The following NEGR1 variants were observed in gnomAD, a reference collection of about 807,000 sequenced individuals.
The protein encoded by NEGR1 is neuronal growth regulator 1, also known as IgLON family member 4.
NEGR1 carries 10 observed loss-of-function variants against 40.9 expected under a neutral mutation model. The ratio of observed to expected loss-of-function variants is 0.24; its 90% CI spans 0.15 to 0.42. NEGR1 has a LOEUF of 0.42. Ranked by LOEUF, NEGR1 falls within the 10% of genes least tolerant of loss-of-function variation. The pLI is 1.00. For synonymous variants in NEGR1, 185 were observed against 166.8 expected, an observed-to-expected ratio of 1.11 and a Z score of -0.84; for missense variants, 352 against 438.9, an observed-to-expected ratio of 0.80 and a Z score of 1.77.
chr1:72,014,980 C>G, intron 1 of NEGR1, among the ~76,000 whole-genome samples: 1 of 151,988 alleles, frequency 6.6e-6, no homozygotes, highest in East Asian at 1.9e-4. Context: ...AATTGTATTA[C>G]AGAGTTTTTT....
intron 1 of NEGR1, among the ~76,000 whole-genome samples, chr1:72,210,468 G>A (rs887443267): frequency 6.6e-6 from 1 of 151,778 alleles, no homozygotes; most frequent in Non-Finnish European, 1.5e-5. Context: ...ATTTTTCATG[G>A]AAAACCATTA....
At chr1:71,778,327 T>C (rs1040250029) in intron 2 of NEGR1, among the ~76,000 whole-genome samples, 17 of 152,114 alleles carry the variant, frequency 1.1e-4, no homozygotes, top group South Asian at 4.1e-4. Context: ...CAATTATGTT[T>C]TCATTTTCAG....
intron 1 of NEGR1, among the ~76,000 whole-genome samples, chr1:71,981,839 G>A (rs1289114981): frequency 6.6e-6 from 1 of 151,566 alleles, no homozygotes; most frequent in Non-Finnish European, 1.5e-5. Flanking sequence ...TGAAAAAGAT[G>A]AAACTTTCCC....
intron 2 of NEGR1, among the ~76,000 whole-genome samples, chr1:71,823,203 A>AT (rs35710660): frequency 0.55 from 77,678 of 140,522 alleles, 21,710 homozygotes; most frequent in Admixed American, 0.66. Context: ...TTTCTGCATC[A>AT]TTTTTTTTTT....
At chr1:72,040,491 G>C (rs1646942409) in intron 1 of NEGR1, among the ~76,000 whole-genome samples, 1 of 135,516 alleles carries the variant, frequency 7.4e-6, no homozygotes, top group Non-Finnish European at 1.5e-5. Context: ...GTATAAAATG[G>C]AAATGGAATA....
chr1:71,603,600 T>C (rs1168977642), intron 5 of NEGR1, among the ~76,000 whole-genome samples: 1 of 152,204 alleles, frequency 6.6e-6, no homozygotes, highest in African/African-American at 2.4e-5. Context: ...TAAAGTTGCA[T>C]GTTGTTAAAA....
chr1:71,794,565 A>C (rs1218017302), intron 2 of NEGR1: 2 of 152,128 alleles, frequency 1.3e-5, no homozygotes, highest in Non-Finnish European at 2.9e-5. Context: ...AATACAAATG[A>C]ATTTGGACCT....
At chr1:71,660,266 GC>G (rs1652012777) in intron 4 of NEGR1, among the ~76,000 whole-genome samples, 1 of 152,118 alleles carries the variant, frequency 6.6e-6, no homozygotes, top group African/African-American at 2.4e-5. Context: ...GTAAGTGAGA[GC>G]TAAATGATAA....
intron 1 of NEGR1, among the ~76,000 whole-genome samples, chr1:72,013,563 A>C (rs1379813741): frequency 6.6e-6 from 1 of 152,152 alleles, no homozygotes. Context: ...AAATATAATT[A>C]TGACAGTAAA....
chr1:71,584,029 A>G (rs574699076), intron 6 of NEGR1, among the ~76,000 whole-genome samples: 1 of 152,324 alleles, frequency 6.6e-6, no homozygotes, highest in African/African-American at 2.4e-5. Context: ...AATCCAACCT[A>G]CTATAAATGC....
intron 1 of NEGR1, among the ~76,000 whole-genome samples, chr1:72,267,802 C>T (rs990646747): frequency 2.0e-5 from 3 of 151,014 alleles, no homozygotes; most frequent in Admixed American, 6.6e-5. Context: ...TTGAAAAAAG[C>T]GTAGTATAGT....
chr1:71,925,783 G>C (rs893540107), intron 2 of NEGR1, among the ~76,000 whole-genome samples: 1 of 151,704 alleles, frequency 6.6e-6, no homozygotes, highest in Non-Finnish European at 1.5e-5. Context: ...ACGACTCCAA[G>C]AAGAAAAGTT....
chr1:71,713,447 T>A (rs1020407573), intron 3 of NEGR1, among the ~76,000 whole-genome samples: 5 of 152,228 alleles, frequency 3.3e-5, no homozygotes, highest in African/African-American at 1.2e-4. Flanking sequence ...AATATACTTT[T>A]GATGTCTCCA....
intron 1 of NEGR1, among the ~76,000 whole-genome samples, chr1:72,167,974 T>C (rs1419468893): frequency 6.6e-6 from 1 of 150,840 alleles, no homozygotes; most frequent in Non-Finnish European, 1.5e-5. Context: ...AATAATGTCA[T>C]GATTAATAAG....
intron 6 of NEGR1, among the ~76,000 whole-genome samples, chr1:71,560,429 TTATATATATATATATATATG>T (rs1156692600): frequency 8.8e-6 from 1 of 114,266 alleles, no homozygotes; most frequent in Non-Finnish European, 1.8e-5. Context: ...TAATTCTCCA[TTATATATATATATATATATG>T]TATATATATA....
At chr1:71,951,486 T>A (rs1275165906) in intron 1 of NEGR1, among the ~76,000 whole-genome samples, 1 of 151,978 alleles carries the variant, frequency 6.6e-6, no homozygotes, top group African/African-American at 2.4e-5. Context: ...CAAAATGAAT[T>A]AAAGGTTGTT....
intron 4 of NEGR1, among the ~76,000 whole-genome samples, chr1:71,660,756 T>C (rs1387137847): frequency 1.3e-5 from 2 of 152,130 alleles, no homozygotes; most frequent in Non-Finnish European, 2.9e-5. Flanking sequence ...AACCTGCAGG[T>C]TTGTTACATA....
Position 71,666,978 on chromosome 1 carries a change from A to G in NEGR1, c.667+31030T>C, listed in dbSNP as rs531891949. Among the ~76,000 whole-genome samples the G allele has an allele frequency of 3.9e-5, 6 of 152,226 alleles. No individual in the cohort carries two copies. The South Asian group carries it at 1.2e-3, about 32-fold the overall frequency. On this transcript the variant is annotated intron_variant, in intron 4 of 6. Transcript: ENST00000357731. ...CATCTATCTGTAGATATTAACAAATATTTTGTCTGGTATTAACATTTCTAC... is the reference window on the plus strand; with the variant it reads ...CATCTATCTGTAGATATTAACAAATGTTTTGTCTGGTATTAACATTTCTAC...
At chr1:71,432,574 C>T (rs1004220263) in intron 6 of NEGR1, among the ~76,000 whole-genome samples, 2 of 152,142 alleles carry the variant, frequency 1.3e-5, no homozygotes, top group Non-Finnish European at 2.9e-5. Flanking sequence ...TGTTTCTCTT[C>T]CCCTCCCTGT....
Sources: gnomAD v4.1 joint callset for allele counts (sites outside exome capture counted in the v4.1 genomes callset) on GRCh38, gnomAD v4.1.1 for gene constraint, MANE v1.5 for transcripts, NCBI Gene and HGNC (gene_info 2026-07-23, HGNC 2026-07-21) for gene names.